The following PCSK2 variants were observed in gnomAD, a reference collection of about 807,000 sequenced individuals.
PCSK2 encodes proprotein convertase subtilisin/kexin type 2.
Under a neutral mutation model 69.7 loss-of-function variants are expected in PCSK2, and 14 were observed. The ratio of observed to expected loss-of-function variants is 0.20; its 90% confidence interval spans 0.13 to 0.31. The LOEUF is 0.31. Ranked by LOEUF, PCSK2 falls within the 10% of genes least tolerant of loss-of-function variation. The probability of loss-of-function intolerance (pLI) is 1.00; values close to 1 mark genes in which losing one functional copy is unlikely to be tolerated. For synonymous variants in PCSK2, 307 were observed against 320.7 expected (o/e 0.96, Z 0.46); for missense variants, 544 against 842.5 (o/e 0.65, Z 4.39).
intron 6 of PCSK2, among the ~76,000 whole-genome samples, chr20:17,425,259 T>C (rs1006813220): frequency 6.6e-6 from 1 of 152,100 alleles, no homozygotes; most frequent in Non-Finnish European, 1.5e-5. Context: ...AACCCCAAAG[T>C]GTCAGACAGG....
At chr20:17,303,455 TTAA>T (rs1568593331) in intron 2 of PCSK2, among the ~76,000 whole-genome samples, 39 of 58,688 alleles carry the variant, frequency 6.6e-4, no homozygotes, top group Non-Finnish European at 1.1e-3. Context: ...ATATATTATA[TTAA>T]ATATAATATA....
intron 5 of PCSK2, among the ~76,000 whole-genome samples, chr20:17,382,427 T>C (rs4813268): frequency 3.3e-5 from 5 of 152,194 alleles, no homozygotes; most frequent in Admixed American, 3.3e-4. Context: ...AATGTGAAGT[T>C]CACCATCTGT....
At position 17,239,999 on chromosome 20, in the gene PCSK2, G is replaced by A. The variant is rs113781810; in HGVS notation, c.177+12517G>A. Among the ~76,000 whole-genome samples the A allele has an allele frequency of 9.0e-3, 1,360 of 151,556 alleles. 10 individuals carry two copies. Among genetic ancestry groups the A allele is most frequent in the Middle Eastern group, 0.014 (4 of 292 alleles). On this transcript the variant is annotated intron_variant, in intron 1 of 11. Transcript: ENST00000262545. Reference sequence around the variant, plus strand: ...CTCCCAAGTAGCTGGGAGTACAGGCGCACACCACCATACCCAGCTAAATTT... The same window carrying A: ...CTCCCAAGTAGCTGGGAGTACAGGCACACACCACCATACCCAGCTAAATTT...
chr20:17,398,364 T>C (rs2031560286), intron 5 of PCSK2, among the ~76,000 whole-genome samples: 1 of 151,066 alleles, frequency 6.6e-6, no homozygotes, highest in South Asian at 2.1e-4. Flanking sequence ...GTCTTTACAA[T>C]TTTTTTTTAA....
intron 5 of PCSK2, among the ~76,000 whole-genome samples, chr20:17,371,444 G>A (rs1439857323): frequency 1.3e-5 from 2 of 152,210 alleles, no homozygotes; most frequent in African/African-American, 4.8e-5. Flanking sequence ...GCTCCTCTGA[G>A]ATCTGCAATA....
In PCSK2 at chr20:17,482,890, A is replaced by G. The variant is rs2033434572; in HGVS notation, c.*820A>G. On this transcript the variant is annotated 3_prime_UTR_variant, in exon 12 of 12. Transcript: ENST00000262545. ...TCTGGGGCTCCTCACATAGCTACCC[A>G]AAAGAGAAAAAAAATTAAGACAAGC... The G allele has an allele frequency of 6.6e-6, 1 of 152,252 alleles. No homozygotes were observed. The highest frequency in any genetic ancestry group is 2.1e-4 in the South Asian group (1 of 4,828). The allele number at this position is 152,252 out of a possible 1,614,324, so 9.4% of individuals were successfully genotyped here.
intron 8 of PCSK2, among the ~76,000 whole-genome samples, chr20:17,448,028 C>T (rs2032734327): frequency 6.6e-6 from 1 of 152,122 alleles, no homozygotes. Flanking sequence ...CCTTCATCTT[C>T]TATATTCCAA....
chr20:17,230,634 A>G (rs1267502396), intron 1 of PCSK2, among the ~76,000 whole-genome samples: 1 of 152,122 alleles, frequency 6.6e-6, no homozygotes, highest in Non-Finnish European at 1.5e-5. Flanking sequence ...CTATTAACAC[A>G]TGAACATGTC....
At chr20:17,389,646 A>T (rs1318267078) in intron 5 of PCSK2, among the ~76,000 whole-genome samples, 1 of 152,176 alleles carries the variant, frequency 6.6e-6, no homozygotes, top group African/African-American at 2.4e-5. Flanking sequence ...CATTTATCTT[A>T]TCTCTCTAAT....
chr20:17,252,364 C>T (rs1987015453), intron 1 of PCSK2, among the ~76,000 whole-genome samples: 1 of 152,202 alleles, frequency 6.6e-6, no homozygotes, highest in Admixed American at 6.5e-5. Context: ...CCAAGTATCC[C>T]TCTGATTGAA....
At chr20:17,376,066 T>C (rs1176701841) in intron 5 of PCSK2, among the ~76,000 whole-genome samples, 1 of 152,122 alleles carries the variant, frequency 6.6e-6, no homozygotes, top group East Asian at 1.9e-4. Context: ...GCCATCGCCA[T>C]TAGAAGGGCA....
At chr20:17,245,391 G>T (rs1458014964) in intron 1 of PCSK2, among the ~76,000 whole-genome samples, 2 of 152,206 alleles carry the variant, frequency 1.3e-5, no homozygotes, top group African/African-American at 2.4e-5. Flanking sequence ...CAGCATTCTT[G>T]TGGGTTATTC....
intron 5 of PCSK2, among the ~76,000 whole-genome samples, chr20:17,390,878 AT>A (rs775547453): frequency 6.6e-6 from 1 of 151,876 alleles, no homozygotes; most frequent in South Asian, 2.1e-4. Context: ...ATCTTTCCAG[AT>A]TTTTTTTCTC....
intron 2 of PCSK2, among the ~76,000 whole-genome samples, chr20:17,273,498 C>T (rs1477917674): frequency 6.6e-6 from 1 of 152,138 alleles, no homozygotes; most frequent in African/African-American, 2.4e-5. Context: ...GTTAATTTCA[C>T]AAATACATTA....
At position 17,453,895 on chromosome 20, in the gene PCSK2, T is replaced by C; in HGVS notation, c.1039T>C (p.Cys347Arg). Residue 347 changes from cysteine to arginine, a missense_variant, in exon 9 of 12, where the codon TGC becomes CGC. Transcript: ENST00000262545. This position sits in a 1 kb window ranked among gnomAD's most constrained non-coding sequence, Gnocchi z 4.0. ...DGRTALYDESCSSTLASTFSN... is the reference protein window; with the variant it reads ...DGRTALYDESRSSTLASTFSN... The stretch of plus-strand genomic sequence containing the variant: ...CAGGACTGCCCTGTACGACGAGAGC[T>C]GCTCTTCCACCTTGGCTTCCACCTT... 1 of 1,614,240 alleles carries C rather than the reference T, an allele frequency of 6.2e-7. No homozygotes were observed. Among genetic ancestry groups the C allele is most frequent in the Non-Finnish European group, 8.5e-7 (1 of 1,180,040 alleles).
At chr20:17,457,898 A>G (rs543537591) in intron 10 of PCSK2, among the ~76,000 whole-genome samples, 6 of 152,230 alleles carry the variant, frequency 3.9e-5, no homozygotes, top group Non-Finnish European at 7.3e-5. Flanking sequence ...ACAAAATCCT[A>G]TGCCTATGCC....
chr20:17,362,662 C>T (rs2030439040), intron 4 of PCSK2, among the ~76,000 whole-genome samples: 1 of 152,214 alleles, frequency 6.6e-6, no homozygotes, highest in African/African-American at 2.4e-5. Flanking sequence ...GAAGCAGAAG[C>T]TGCCAGTCCT....
chr20:17,250,883 T>C (rs528173253), intron 1 of PCSK2, among the ~76,000 whole-genome samples: 1 of 152,162 alleles, frequency 6.6e-6, no homozygotes, highest in East Asian at 1.9e-4. Context: ...GCAGATCACT[T>C]GGGGTCAGGA....
intron 2 of PCSK2, among the ~76,000 whole-genome samples, chr20:17,334,058 A>G (rs556624061): frequency 4.8e-4 from 73 of 151,922 alleles, no homozygotes; most frequent in African/African-American, 1.5e-3. Context: ...TAACTTGCCC[A>G]AGTAACACAG....
Sources: allele counts gnomAD v4.1 joint callset (sites outside exome capture counted in the v4.1 genomes callset), GRCh38; gene constraint gnomAD v4.1.1; non-coding constraint Gnocchi (gnomAD v3.1); transcripts MANE v1.5; gene names NCBI Gene and HGNC (gene_info 2026-07-23, HGNC 2026-07-21).